Variants in SYNPR observed in about 807,000 individuals in gnomAD.
SYNPR encodes the protein synaptoporin.
SYNPR carries 23 observed loss-of-function variants against 32.9 expected under a neutral mutation model. That is an observed-to-expected ratio of 0.70 (90% CI 0.50 to 0.99). The LOEUF (loss-of-function observed/expected upper bound fraction) is 0.99. Among genes scored for constraint, SYNPR ranks in the 50% least tolerant of loss-of-function variants. The pLI, the probability that SYNPR is intolerant of heterozygous loss-of-function variation, is 0.00. For synonymous variants in SYNPR, 146 were observed against 135.9 expected, an observed-to-expected ratio of 1.07 and a Z score of -0.52; for missense variants, 318 against 349.3, an observed-to-expected ratio of 0.91 and a Z score of 0.71.
At chr3:63,466,048 C>T (rs765334631) in intron 2 of SYNPR, among the ~76,000 whole-genome samples, 1 of 152,122 alleles carries the variant, frequency 6.6e-6, no homozygotes, top group Non-Finnish European at 1.5e-5. Context: ...TCCTGATCCT[C>T]TCTCTCCTCC....
chr3:63,495,956 G>GGAA (rs1553641309), intron 3 of SYNPR, among the ~76,000 whole-genome samples: 1 of 151,342 alleles, frequency 6.6e-6, no homozygotes, highest in African/African-American at 2.4e-5. Flanking sequence ...TGTGGACTTT[G>GGAA]GATAACGGTA....
intron 2 of SYNPR, among the ~76,000 whole-genome samples, chr3:63,368,302 G>T (rs898057600): frequency 2.0e-5 from 3 of 152,204 alleles, no homozygotes; most frequent in Non-Finnish European, 4.4e-5. Context: ...GTGACCAGTG[G>T]TAATGCCAGG....
intron 1 of SYNPR, among the ~76,000 whole-genome samples, chr3:63,240,198 A>G (rs1228076147): frequency 6.6e-6 from 1 of 152,166 alleles, no homozygotes; most frequent in Non-Finnish European, 1.5e-5. Context: ...ACAGAAACAG[A>G]GAGTTCAAAC....
At position 63,305,786 on chromosome 3, in the gene SYNPR, C is replaced by A. The variant is rs114890398; in HGVS notation, c.84+27044C>A. ...TAGATACTCTCAGAACCCCTTCCAG[C>A]CCTTCTTGCATATCCTAGGATGATA... On this transcript the variant is annotated intron_variant, in intron 2 of 5. Coordinates refer to ENST00000478300, the MANE Select transcript of SYNPR (RefSeq NM_001130003.2). Among the ~76,000 whole-genome samples, 1,267 of 152,118 alleles carry A rather than the reference C, an allele frequency of 8.3e-3. 24 individuals are homozygous for A. Among genetic ancestry groups the A allele is most frequent in the African/African-American group, 0.028 (1,147 of 41,538 alleles).
intron 2 of SYNPR, among the ~76,000 whole-genome samples, chr3:63,458,722 A>G (rs533286018): frequency 6.6e-6 from 1 of 152,126 alleles, no homozygotes; most frequent in Non-Finnish European, 1.5e-5. Flanking sequence ...CAATCTGTCT[A>G]GCACTCAGTC....
At chr3:63,548,266 A>G (rs1472510638) in intron 3 of SYNPR, among the ~76,000 whole-genome samples, 1 of 152,180 alleles carries the variant, frequency 6.6e-6, no homozygotes, top group South Asian at 2.1e-4. Flanking sequence ...AAGAGCTGGT[A>G]TCAGAAAGCC....
At chr3:63,269,299 G>A (rs1315822127) in intron 3 of SYNPR, among the ~76,000 whole-genome samples, 3 of 152,088 alleles carry the variant, frequency 2.0e-5, no homozygotes, top group Non-Finnish European at 4.4e-5. Flanking sequence ...GACCAACCTG[G>A]CCAACAGGGT....
At position 63,530,584 on chromosome 3, in the gene SYNPR, A is replaced by G. The variant is rs1300189384; in HGVS notation, c.210-25959A>G. ...CATGCGTTCCATTAATAGTAGCTAT[A>G]TTGCAAGGTCTTCTAGGGGTGCTTC... On this transcript the variant is annotated intron_variant, in intron 3 of 5. Transcript: ENST00000478300. 3.3e-5 allele frequency among the ~76,000 whole-genome samples: 5 copies of G among 152,166 alleles called. No homozygotes were observed. In the East Asian group the frequency reaches 5.8e-4, roughly 18 times the overall value.
chr3:63,396,847 G>C (rs185922121), intron 2 of SYNPR, among the ~76,000 whole-genome samples: 3 of 152,176 alleles, frequency 2.0e-5, no homozygotes, highest in African/African-American at 7.2e-5. Context: ...GCTCACGCCT[G>C]TAATCCCAGC....
intron 2 of SYNPR, among the ~76,000 whole-genome samples, chr3:63,315,796 T>C (rs1202521181): frequency 6.6e-6 from 1 of 151,866 alleles, no homozygotes; most frequent in Non-Finnish European, 1.5e-5. Context: ...GTGGTGAGAG[T>C]GGGCATCCTT....
chr3:63,262,403 A>G (rs2086446816), intron 2 of SYNPR, among the ~76,000 whole-genome samples: 1 of 152,138 alleles, frequency 6.6e-6, no homozygotes, highest in South Asian at 2.1e-4. Context: ...TGGTAGGGAG[A>G]GAAACCATGA....
At chr3:63,520,209 T>C (rs1470318604) in intron 3 of SYNPR, among the ~76,000 whole-genome samples, 1 of 152,202 alleles carries the variant, frequency 6.6e-6, no homozygotes, top group Non-Finnish European at 1.5e-5. Context: ...AGCTTTTGTA[T>C]TTTAACATTA....
At chr3:63,509,322 A>T (rs1180948471) in intron 3 of SYNPR, among the ~76,000 whole-genome samples, 3 of 150,904 alleles carry the variant, frequency 2.0e-5, no homozygotes, top group Middle Eastern at 3.5e-3. Flanking sequence ...ATATAACTGA[A>T]AGAATATACA....
chr3:63,334,159 G>C (rs1362518047), intron 2 of SYNPR, among the ~76,000 whole-genome samples: 1 of 152,230 alleles, frequency 6.6e-6, no homozygotes, highest in Admixed American at 6.5e-5. Flanking sequence ...ATAGAATTCA[G>C]AATAGCTCTT....
intron 4 of SYNPR, among the ~76,000 whole-genome samples, chr3:63,579,207 G>A (rs1022758751): frequency 3.3e-5 from 5 of 152,014 alleles, no homozygotes; most frequent in African/African-American, 1.2e-4. Context: ...ACCCATTTTA[G>A]GCAAATAAAT....
At chr3:63,207,052 C>A in the SYNPR span, among the ~76,000 whole-genome samples, 13 of 152,248 alleles carry the variant, frequency 8.5e-5, no homozygotes, top group Admixed American at 2.6e-4. Context: ...AAGTTTGGTT[C>A]CTGATGTTTC....
At chr3:63,591,843 A>G (rs1699833752) in intron 4 of SYNPR, among the ~76,000 whole-genome samples, 1 of 146,648 alleles carries the variant, frequency 6.8e-6, no homozygotes, top group Non-Finnish European at 1.5e-5. Context: ...GCATTGGGAG[A>G]TATACCTAAT....
chr3:63,278,882 C>G (rs926689995), intron 2 of SYNPR, 140 bp downstream of exon 2: 13 of 1,012,836 alleles, frequency 1.3e-5, no homozygotes, highest in Non-Finnish European at 1.9e-5. Flanking sequence ...ATCCTGCCCC[C>G]TCCTAAGATG....
rs1271874096 is a variant in SYNPR at position 63,481,447 on chromosome 3, A to ATGTGTG, written c.209+492_209+493insGTGTGT. On this transcript the variant is annotated intron_variant, in intron 3 of 5. Coordinates refer to ENST00000478300, the MANE Select transcript of SYNPR (RefSeq NM_001130003.2). ...TTATATATTAAGTGTATATATATATATATATGTGTGTGTGTGTGTGTGTGT... is the reference window on the plus strand; with the variant it reads ...TTATATATTAAGTGTATATATATATATGTGTGTATATGTGTGTGTGTGTGTGTGTGT... 2.2e-3 allele frequency among the ~76,000 whole-genome samples: 303 copies of ATGTGTG among 134,880 alleles called. 2 individuals carry two copies. The highest frequency in any genetic ancestry group is 6.3e-3 in the African/African-American group (218 of 34,616). The allele number at this position is 134,880 out of a possible 152,430, so 88.5% of individuals were successfully genotyped here. A position where few individuals can be genotyped will look rare whatever the true frequency, so the allele number is the denominator to read the frequency against.
Sources: gnomAD v4.1 joint callset for allele counts (sites outside exome capture counted in the v4.1 genomes callset) on GRCh38, gnomAD v4.1.1 for gene constraint, MANE v1.5 for transcripts, NCBI Gene and HGNC (gene_info 2026-07-23, HGNC 2026-07-21) for gene names.